NUP210: variants seen among roughly 807,000 people sequenced by gnomAD.
NUP210 encodes the protein nuclear pore membrane glycoprotein 210.
A neutral mutation model predicts 196.0 loss-of-function variants in NUP210; 151 were observed. The observed-to-expected ratio is 0.77, with a 90% confidence interval of 0.67 to 0.88. The LOEUF (loss-of-function observed/expected upper bound fraction) is 0.88. NUP210 is among the 40% of genes least tolerant of loss of function. The pLI is 0.00. For missense variants in NUP210, 2,314 were observed against 2,493.7 expected (o/e 0.93, Z 1.53); for synonymous variants, 1,070 against 1,052.7 (o/e 1.02, Z -0.32).
chr3:13,362,312 A>G (rs1473950509), intron 14 of NUP210, among the ~76,000 whole-genome samples: 2 of 152,184 alleles, frequency 1.3e-5, no homozygotes, highest in South Asian at 2.1e-4. Flanking sequence ...TTCTGCCCTC[A>G]TGATCTAATC....
At chr3:13,329,041 A>G in intron 30 of NUP210, 95 bp from the exon 31 acceptor site, 2 of 1,055,894 alleles carry the variant, frequency 1.9e-6, no homozygotes, top group African/African-American at 1.6e-5. Context: ...TGCCCCCAGC[A>G]GGATCCACCT....
chr3:13,346,310 C>G (rs947361102), intron 20 of NUP210, among the ~76,000 whole-genome samples: 1 of 152,220 alleles, frequency 6.6e-6, no homozygotes, highest in African/African-American at 2.4e-5. Context: ...GACCCTGCAC[C>G]CACTCCTAAC....
At chr3:13,331,232 T>C (rs534221534) in intron 29 of NUP210, among the ~76,000 whole-genome samples, 1 of 152,332 alleles carries the variant, frequency 6.6e-6, no homozygotes, top group East Asian at 1.9e-4. Context: ...AGCAAACTAC[T>C]GATACTATGT....
At chr3:13,330,162 C>T (rs1408423891) in intron 30 of NUP210, among the ~76,000 whole-genome samples, 2 of 152,266 alleles carry the variant, frequency 1.3e-5, no homozygotes, top group Non-Finnish European at 2.9e-5. Flanking sequence ...GCACTCCAGT[C>T]AGGAAGCTGT....
intron 13 of NUP210, among the ~76,000 whole-genome samples, chr3:13,366,516 CTTTTTTTTTTTT>C (rs58529748): frequency 9.0e-6 from 1 of 110,854 alleles, no homozygotes; most frequent in South Asian, 2.8e-4. Context: ...TGATTTCTTT[CTTTTTTTTTTTT>C]TTTTTTTGAG....
rs761195676 is a variant in NUP210 at position 13,346,709 on chromosome 3, G to A, written c.2836-3406C>T. Among the ~76,000 whole-genome samples the A allele has an allele frequency of 5.2e-4, 79 of 152,302 alleles. 2 individuals are homozygous for A. The highest frequency in any genetic ancestry group is 5.0e-4 in the Non-Finnish European group (34 of 68,034). ...TTTCAGATTTGTCCCGACAGGTGGC[G>A]ACTGCAGGGGATAAGGGACCTTGCA... On this transcript the variant is annotated intron_variant, in intron 20 of 39. Transcript: ENST00000254508.
chr3:13,415,447 A>G (rs1241969290), intron 1 of NUP210, among the ~76,000 whole-genome samples: 1 of 152,212 alleles, frequency 6.6e-6, no homozygotes, highest in East Asian at 1.9e-4. Flanking sequence ...TGATAACGCA[A>G]TCGACCAAAG....
At chr3:13,360,616 G>A (rs1698341078) in intron 14 of NUP210, 125 bp from the exon 15 acceptor site, 1 of 655,084 alleles carries the variant, frequency 1.5e-6, no homozygotes, top group South Asian at 1.9e-5. Context: ...CCCATCTCCT[G>A]TTTGAAACTC....
intron 16 of NUP210, among the ~76,000 whole-genome samples, chr3:13,355,173 G>A (rs1195352300): frequency 6.6e-6 from 1 of 152,190 alleles, no homozygotes; most frequent in Admixed American, 6.5e-5. Flanking sequence ...TCCTACATTC[G>A]GGTAGGAAAG....
chr3:13,350,408 G>T lies in NUP210; in HGVS notation c.2835+1471C>A, dbSNP rs57137703. 6.6e-6 allele frequency among the ~76,000 whole-genome samples: 1 copy of T among 151,834 alleles called. No homozygotes were observed. Among genetic ancestry groups the T allele is most frequent in the African/African-American group, 2.4e-5 (1 of 41,272 alleles). On this transcript the variant is annotated intron_variant, in intron 20 of 39. Transcript: ENST00000254508. This position sits in a 1 kb window ranked among gnomAD's most constrained non-coding sequence, Gnocchi z 4.1. The stretch of plus-strand genomic sequence containing the variant: ...GTTTCTACAATACATTACCTAAAAT[G>T]TCCAGTTTCCAACAATTATAGGACA...
chr3:13,404,665 T>G (rs574185606), intron 1 of NUP210, among the ~76,000 whole-genome samples: 119 of 152,320 alleles, frequency 7.8e-4, no homozygotes, highest in Admixed American at 1.4e-3. Flanking sequence ...AGCAGGATAC[T>G]TTCTGCTATC....
chr3:13,361,498 A>G (rs1327178977), intron 14 of NUP210, among the ~76,000 whole-genome samples: 22 of 152,102 alleles, frequency 1.4e-4, no homozygotes, highest in Admixed American at 1.4e-3. Context: ...TGGAGACTCC[A>G]CAGGAGGACT....
At chr3:13,334,775 T>G (rs1357991801) in intron 28 of NUP210, among the ~76,000 whole-genome samples, 1 of 152,160 alleles carries the variant, frequency 6.6e-6, no homozygotes, top group Non-Finnish European at 1.5e-5. Flanking sequence ...GCCCATCCTA[T>G]AAGTAGCAGG....
chr3:13,415,904 T>C (rs1280742331), intron 1 of NUP210, among the ~76,000 whole-genome samples: 1 of 152,174 alleles, frequency 6.6e-6, no homozygotes, highest in African/African-American at 2.4e-5. Context: ...GGGGATTTGC[T>C]GCAGCTTCCC....
At chr3:13,390,030 A>G (rs1699434985) in intron 4 of NUP210, among the ~76,000 whole-genome samples, 1 of 152,232 alleles carries the variant, frequency 6.6e-6, no homozygotes, top group Admixed American at 6.5e-5. Flanking sequence ...AACAGGACAC[A>G]TGCGGCAGGT....
Position 13,341,741 on chromosome 3 carries a change from G to A in NUP210, c.3228+7C>T, listed in dbSNP as rs762124990. ...ATCCCACATGGTGTGGGAAGAACTC[G>A]TCTTACTTCAATCTGTTGTGGGGCT... On this transcript the variant is annotated splice_region_variant and intron_variant, in intron 23 of 39. Coordinates refer to ENST00000254508, the MANE Select transcript of NUP210 (RefSeq NM_024923.4). 2.0e-5 allele frequency: 32 copies of A among 1,613,998 alleles called. No individual in the cohort carries two copies. Among genetic ancestry groups the A allele is most frequent in the South Asian group, 4.4e-5 (4 of 91,086 alleles).
At chr3:13,390,804 C>T (rs1559342322) in intron 4 of NUP210, among the ~76,000 whole-genome samples, 1 of 152,332 alleles carries the variant, frequency 6.6e-6, no homozygotes, top group East Asian at 1.9e-4. Context: ...GCCATATGGG[C>T]GACTCAGCCT....
chr3:13,379,301 C>A lies in NUP210; in HGVS notation c.976+262G>T, dbSNP rs972526507. On this transcript the variant is annotated intron_variant, in intron 7 of 39. Transcript: ENST00000254508. The surrounding 1 kb of genome is among the most constrained non-coding windows in gnomAD (Gnocchi z 4.2). ...CGCCAGGCCCCCTCTGAGAAGGCTG[C>A]AGGTACTGGAGAAGTTTCTGGAGAC... Among the ~76,000 whole-genome samples the A allele has an allele frequency of 6.6e-6, 1 of 152,166 alleles. No individual in the cohort carries two copies. The highest frequency in any genetic ancestry group is 2.4e-5 in the African/African-American group (1 of 41,438).
intron 28 of NUP210, 101 bp from the exon 29 acceptor site, chr3:13,332,485 A>G: frequency 1.1e-6 from 1 of 889,898 alleles, no homozygotes. Flanking sequence ...GAGGGGCCAG[A>G]GAGGAGAAAA....
Sources: gnomAD v4.1 joint callset for allele counts (sites outside exome capture counted in the v4.1 genomes callset) on GRCh38, gnomAD v4.1.1 for gene constraint, Gnocchi (gnomAD v3.1) non-coding constraint, MANE v1.5 for transcripts, NCBI Gene and HGNC (gene_info 2026-07-23, HGNC 2026-07-21) for gene names.